The following SMIM13 variants were observed in gnomAD, a reference collection of about 807,000 sequenced individuals.
The protein encoded by SMIM13 is UPF0766 protein C6orf228.
SMIM13 carries 3 observed loss-of-function variants against 5.9 expected under a neutral mutation model. The observed-to-expected ratio is 0.51, with a 90% CI of 0.23 to 1.31. SMIM13 has a LOEUF of 1.31. Ranked by LOEUF, SMIM13 falls within the 40% of genes most tolerant of loss-of-function variation. The probability of loss-of-function intolerance (pLI) is 0.18; values close to 1 mark genes in which losing one functional copy is unlikely to be tolerated. For synonymous variants in SMIM13, 55 were observed against 46.0 expected (o/e 1.19, Z -0.79); for missense variants, 85 against 109.9 (o/e 0.77, Z 1.01).
intron 1 of SMIM13, among the ~76,000 whole-genome samples, chr6:11,130,567 C>T (rs1327850308): frequency 6.6e-6 from 1 of 152,144 alleles, no homozygotes; most frequent in Non-Finnish European, 1.5e-5. Context: ...TAACTTGCCT[C>T]TCCAAACTCT....
intron 1 of SMIM13, chr6:11,104,778 A>G (rs1758058511): frequency 1.2e-6 from 2 of 1,614,180 alleles, no homozygotes; most frequent in Non-Finnish European, 1.7e-6. Context: ...AGGAAAAGTA[A>G]TATTTGGAGG....
intron 1 of SMIM13, among the ~76,000 whole-genome samples, chr6:11,124,686 G>C (rs1346754203): frequency 6.6e-6 from 1 of 152,112 alleles, no homozygotes. Flanking sequence ...AATCGTTATT[G>C]TCTATCCTTT....
intron 1 of SMIM13, among the ~76,000 whole-genome samples, chr6:11,107,281 G>C (rs1263958720): frequency 6.6e-6 from 1 of 152,208 alleles, no homozygotes; most frequent in African/African-American, 2.4e-5. Context: ...TGTTACCTAT[G>C]GGTTTTCTAA....
rs73721652 is a variant in SMIM13, at chr6:11,131,335, A to G, written c.77-3068A>G. ...AGTACAGAGAAATATATTTTTTTAA[A>G]AAAACAAGGTGGGTCTCCAAATTGA... On this transcript the variant is annotated intron_variant, in intron 1 of 1. Transcript: ENST00000416247. Among the ~76,000 whole-genome samples, 1,200 of 152,250 alleles carry G rather than the reference A, an allele frequency of 7.9e-3. 9 individuals carry two copies. Among genetic ancestry groups the G allele is most frequent in the African/African-American group, 0.027 (1,130 of 41,544 alleles).
chr6:11,119,585 C>T (rs531272970), intron 1 of SMIM13, among the ~76,000 whole-genome samples: 196 of 151,934 alleles, frequency 1.3e-3, no homozygotes, highest in African/African-American at 4.5e-3. Flanking sequence ...ACCCGGGAGG[C>T]GGAGCTTGCA....
chr6:11,117,054 G>T (rs1561756893), intron 1 of SMIM13, among the ~76,000 whole-genome samples: 1 of 137,064 alleles, frequency 7.3e-6, no homozygotes. Context: ...GCAGTGGCGC[G>T]ATCTCGGCTC....
chr6:11,119,759 G>C (rs1244150902), intron 1 of SMIM13, among the ~76,000 whole-genome samples: 1 of 152,116 alleles, frequency 6.6e-6, no homozygotes, highest in Non-Finnish European at 1.5e-5. Flanking sequence ...AGAAAGAGGA[G>C]AGAAGAGATT....
chr6:11,117,414 A>G lies in SMIM13; in HGVS notation c.77-16989A>G, dbSNP rs1372963301. On this transcript the variant is annotated intron_variant, in intron 1 of 1. Coordinates refer to ENST00000416247, the MANE Select transcript of SMIM13 (RefSeq NM_001135575.2). Reference sequence around the variant, plus strand: ...ATGGTCTCAATCTCTTGACCTCGTGATCCGCCTGCCTTGGCCTCCCAAGGT... The same window carrying G: ...ATGGTCTCAATCTCTTGACCTCGTGGTCCGCCTGCCTTGGCCTCCCAAGGT... Among the ~76,000 whole-genome samples the G allele has an allele frequency of 2.7e-5, 4 of 149,562 alleles. No individual in the cohort carries two copies. In the East Asian group the frequency reaches 7.8e-4, roughly 29 times the overall value.
chr6:11,104,452 G>A, intron 1 of SMIM13: 2 of 1,551,936 alleles, frequency 1.3e-6, no homozygotes, highest in Non-Finnish European at 1.7e-6. Context: ...GTAGAGATAT[G>A]GAAATGAAAT....
At chr6:11,104,939 A>AG (rs1232948227) in intron 1 of SMIM13, 1 of 1,614,240 alleles carries the variant, frequency 6.2e-7, no homozygotes, top group East Asian at 2.2e-5. Context: ...TAACACAAAT[A>AG]GGGGCTATTC....
chr6:11,105,204 C>G (rs1295252359), intron 1 of SMIM13: 2 of 1,614,116 alleles, frequency 1.2e-6, no homozygotes, highest in African/African-American at 2.7e-5. Flanking sequence ...GTAAGGGGAT[C>G]CTGTACTTTG....
At chr6:11,094,861 C>G (rs1190717238) in intron 1 of SMIM13, among the ~76,000 whole-genome samples, 1 of 152,132 alleles carries the variant, frequency 6.6e-6, no homozygotes, top group Non-Finnish European at 1.5e-5. Context: ...GCCTTAAACT[C>G]AATTCCAAGC....
At chr6:11,117,710 C>T (rs970690807) in intron 1 of SMIM13, among the ~76,000 whole-genome samples, 1 of 149,778 alleles carries the variant, frequency 6.7e-6, no homozygotes, top group African/African-American at 2.4e-5. Flanking sequence ...TTTACTCTTA[C>T]ATTTAATGGG....
Position 11,134,674 on chromosome 6 carries a change from T to A in SMIM13, c.*72T>A. On this transcript the variant is annotated 3_prime_UTR_variant, in exon 2 of 2. Coordinates refer to ENST00000416247, the MANE Select transcript of SMIM13 (RefSeq NM_001135575.2). The stretch of plus-strand genomic sequence containing the variant: ...TTACTGACTTCGCTTTGAAATTTAC[T>A]AATGACTGAAGAACATTTGTATTGG... 1 of 1,099,220 alleles carries A rather than the reference T, an allele frequency of 9.1e-7. No homozygotes were observed. The highest frequency in any genetic ancestry group is 1.2e-6 in the Non-Finnish European group (1 of 815,902). 68.1% of individuals were successfully genotyped at this position (1,099,220 alleles called of 1,614,324 possible).
chr6:11,101,360 A>G (rs1162067212), intron 1 of SMIM13, among the ~76,000 whole-genome samples: 1 of 152,230 alleles, frequency 6.6e-6, no homozygotes, highest in East Asian at 1.9e-4. Flanking sequence ...CAGCAAGTAG[A>G]TAAATTCACA....
At chr6:11,104,861 A>C (rs144698959) in intron 1 of SMIM13, 2 of 1,614,242 alleles carry the variant, frequency 1.2e-6, no homozygotes, top group Non-Finnish European at 1.7e-6. Flanking sequence ...TAGAATCTAC[A>C]GTGAAAGTAA....
chr6:11,117,739 G>C (rs1758260030), intron 1 of SMIM13, among the ~76,000 whole-genome samples: 2 of 150,594 alleles, frequency 1.3e-5, no homozygotes, highest in African/African-American at 2.4e-5. Context: ...TACAGAATAT[G>C]GTCTATCTTT....
intron 1 of SMIM13, among the ~76,000 whole-genome samples, chr6:11,097,480 TC>T (rs1379809571): frequency 1.3e-5 from 2 of 148,972 alleles, no homozygotes; most frequent in African/African-American, 5.0e-5. Flanking sequence ...ACATGGCGAA[TC>T]CCCGTCTGTG....
intron 1 of SMIM13, among the ~76,000 whole-genome samples, chr6:11,100,662 G>A (rs1307744363): frequency 6.6e-6 from 1 of 151,898 alleles, no homozygotes; most frequent in Non-Finnish European, 1.5e-5. Context: ...TTTTTTTTGA[G>A]CTAATGCATA....
Sources: allele counts gnomAD v4.1 joint callset (sites outside exome capture counted in the v4.1 genomes callset), GRCh38; gene constraint gnomAD v4.1.1; transcripts MANE v1.5; gene names NCBI Gene and HGNC (gene_info 2026-07-23, HGNC 2026-07-21).